The following FRMD4A variants were observed in gnomAD, a reference collection of about 807,000 sequenced individuals.
FRMD4A encodes the protein FERM domain-containing protein 4A.
FRMD4A carries 29 observed loss-of-function variants against 129.1 expected under a neutral mutation model. The observed-to-expected ratio is 0.22, with a 90% CI of 0.17 to 0.31. The LOEUF (loss-of-function observed/expected upper bound fraction) is 0.31, where lower values mean the gene tolerates loss of function less well. Ranked by LOEUF, FRMD4A falls within the 10% of genes least tolerant of loss-of-function variation. The probability of loss-of-function intolerance (pLI) is 1.00; values close to 1 mark genes in which losing one functional copy is unlikely to be tolerated. For synonymous variants in FRMD4A, 634 were observed against 571.6 expected (o/e 1.11, Z -1.56); for missense variants, 1,272 against 1,375.8 (o/e 0.92, Z 1.19).
At chr10:14,148,577 C>T (rs1012496589) in intron 2 of FRMD4A, among the ~76,000 whole-genome samples, 12 of 152,116 alleles carry the variant, frequency 7.9e-5, no homozygotes, top group Non-Finnish European at 1.5e-4. Flanking sequence ...GCCTGGCCAA[C>T]ATGGTGAAAC....
chr10:14,240,499 C>G (rs905515574), intron 2 of FRMD4A, among the ~76,000 whole-genome samples: 16 of 152,168 alleles, frequency 1.1e-4, no homozygotes, highest in South Asian at 2.1e-4. Context: ...TTATGGGCAA[C>G]ACTAGCATGT....
rs551987266 is a variant in FRMD4A, at chr10:14,279,483, G to A, written c.45+50575C>T. ...CAAAGTGCTACAATTACAGGCATAA[G>A]CCACCGTGCCCAGCTGGAAGTAAGA... On this transcript the variant is annotated intron_variant, in intron 2 of 24. Transcript: ENST00000357447. Among the ~76,000 whole-genome samples, 229 of 152,160 alleles carry A rather than the reference G, an allele frequency of 1.5e-3. 1 individual carries two copies. The highest frequency in any genetic ancestry group is 2.3e-3 in the Non-Finnish European group (159 of 68,020).
intron 2 of FRMD4A, among the ~76,000 whole-genome samples, chr10:14,073,606 T>C (rs1835418072): frequency 6.6e-6 from 1 of 152,078 alleles, no homozygotes; most frequent in Non-Finnish European, 1.5e-5. Context: ...ATGGCTGATG[T>C]TGTTGGCATT....
intron 15 of FRMD4A, among the ~76,000 whole-genome samples, chr10:13,687,514 G>C (rs1405676784): frequency 2.6e-5 from 4 of 152,160 alleles, no homozygotes; most frequent in Admixed American, 2.6e-4. Context: ...ACATGAGATG[G>C]GAAGGAAGGA....
intron 4 of FRMD4A, among the ~76,000 whole-genome samples, chr10:13,807,584 A>G (rs930773467): frequency 3.9e-5 from 6 of 152,228 alleles, no homozygotes; most frequent in African/African-American, 7.2e-5. Flanking sequence ...ATTCTTGGGC[A>G]TAAGTTCTTA....
intron 2 of FRMD4A, among the ~76,000 whole-genome samples, chr10:13,995,819 CTTTTTTT>C (rs112271578): frequency 3.5e-5 from 5 of 144,298 alleles, no homozygotes; most frequent in Non-Finnish European, 7.6e-5. Context: ...TTCCAGACTG[CTTTTTTT>C]TTTTTTTTCT....
At chr10:14,131,374 G>A (rs570875988) in intron 2 of FRMD4A, among the ~76,000 whole-genome samples, 2 of 150,810 alleles carry the variant, frequency 1.3e-5, no homozygotes, top group South Asian at 4.2e-4. Context: ...GGCTGCTTTA[G>A]CTCCTTAGCC....
chr10:13,770,045 C>T (rs2092412237), intron 6 of FRMD4A, among the ~76,000 whole-genome samples: 1 of 152,164 alleles, frequency 6.6e-6, no homozygotes, highest in African/African-American at 2.4e-5. Context: ...TATATCCTAT[C>T]GGTTCTGTCC....
chr10:14,006,569 T>C (rs945869597), intron 2 of FRMD4A, among the ~76,000 whole-genome samples: 1 of 151,912 alleles, frequency 6.6e-6, no homozygotes, highest in African/African-American at 2.4e-5. Flanking sequence ...ACTGGATTTG[T>C]GTGTGTGTGT....
chr10:14,203,346 T>C (rs961355837), intron 2 of FRMD4A, among the ~76,000 whole-genome samples: 1 of 152,158 alleles, frequency 6.6e-6, no homozygotes, highest in East Asian at 1.9e-4. Context: ...TCTCCTAGAG[T>C]GAGCCAAATT....
chr10:13,736,864 T>C (rs1489588308), intron 12 of FRMD4A, among the ~76,000 whole-genome samples: 3 of 152,260 alleles, frequency 2.0e-5, no homozygotes, highest in African/African-American at 7.2e-5. Flanking sequence ...GTTTCCATTA[T>C]AATTTTTCAA....
intron 2 of FRMD4A, among the ~76,000 whole-genome samples, chr10:14,206,820 A>AAAAAAAAAAAAAAAG (rs1429238276): frequency 2.8e-4 from 36 of 127,478 alleles, no homozygotes; most frequent in African/African-American, 5.7e-4. Flanking sequence ...AAAAAAAAAA[A>AAAAAAAAAAAAAAAG]AGAGAGACAG....
At chr10:14,182,851 G>A (rs1841957775) in intron 2 of FRMD4A, among the ~76,000 whole-genome samples, 1 of 152,180 alleles carries the variant, frequency 6.6e-6, no homozygotes, top group Admixed American at 6.5e-5. Flanking sequence ...ACTAGCAGGA[G>A]GGTTGAACAA....
At chr10:13,830,859 G>T (rs538210214) in intron 3 of FRMD4A, among the ~76,000 whole-genome samples, 81 of 152,206 alleles carry the variant, frequency 5.3e-4, no homozygotes, top group Non-Finnish European at 1.0e-4. Context: ...GCACATTCTC[G>T]GCTCACTGCA....
intron 4 of FRMD4A, among the ~76,000 whole-genome samples, chr10:13,798,604 C>T (rs2093177538): frequency 6.6e-6 from 1 of 152,178 alleles, no homozygotes; most frequent in South Asian, 2.1e-4. Context: ...GTAGTCCCAG[C>T]TACTCAGGAG....
chr10:13,787,796 C>T (rs113400925), intron 5 of FRMD4A, among the ~76,000 whole-genome samples: 2,105 of 149,294 alleles, frequency 0.014, 32 homozygotes, highest in African/African-American at 0.048. Flanking sequence ...AGTTTTTGGC[C>T]GGGCATAGTT....
At chr10:13,652,033 GAC>G in intron 23 of FRMD4A, 59 bp from the exon 24 acceptor site, 1 of 855,048 alleles carries the variant, frequency 1.2e-6, no homozygotes, top group South Asian at 1.3e-5. Flanking sequence ...GAGAGACACT[GAC>G]ACAGACACAG....
intron 2 of FRMD4A, among the ~76,000 whole-genome samples, chr10:13,980,208 C>T (rs1291916729): frequency 6.6e-6 from 1 of 152,206 alleles, no homozygotes; most frequent in Non-Finnish European, 1.5e-5. Context: ...TAAATGGTAT[C>T]TGGCCGTTCG....
In FRMD4A at chr10:13,821,904, A is replaced by C. The variant is rs536668715; in HGVS notation, c.112-10996T>G. On this transcript the variant is annotated intron_variant, in intron 3 of 24. Coordinates refer to ENST00000357447, the MANE Select transcript of FRMD4A (RefSeq NM_018027.5). The surrounding 1 kb of genome is among the most constrained non-coding windows in gnomAD (Gnocchi z 4.3). Reference sequence around the variant, plus strand: ...TACCAGCATAGGTGAGGTGGCCCCGAAGTGCCCGCCACACCTCCATCCTTT... The same window carrying C: ...TACCAGCATAGGTGAGGTGGCCCCGCAGTGCCCGCCACACCTCCATCCTTT... 6.6e-6 allele frequency among the ~76,000 whole-genome samples: 1 copy of C among 152,258 alleles called. No individual in the cohort carries two copies. The highest frequency in any genetic ancestry group is 2.1e-4 in the South Asian group (1 of 4,822).
Sources: allele counts gnomAD v4.1 joint callset (sites outside exome capture counted in the v4.1 genomes callset), GRCh38; gene constraint gnomAD v4.1.1; non-coding constraint Gnocchi (gnomAD v3.1); transcripts MANE v1.5; gene names NCBI Gene and HGNC (gene_info 2026-07-23, HGNC 2026-07-21).